Variants in RPS6KC1 observed in about 807,000 individuals in gnomAD.
RPS6KC1 encodes inactive ribosomal protein S6 kinase delta-1.
RPS6KC1 carries 54 observed loss-of-function variants against 103.8 expected under a neutral mutation model. The observed-to-expected ratio is 0.52, with a 90% confidence interval of 0.42 to 0.65. The LOEUF is 0.65. RPS6KC1 is among the 30% of genes least tolerant of loss of function. The probability of loss-of-function intolerance (pLI) is 0.00; values close to 1 mark genes in which losing one functional copy is unlikely to be tolerated. For synonymous variants in RPS6KC1, 439 were observed against 438.7 expected (o/e 1.00, Z -0.01); for missense variants, 1,151 against 1,253.8 (o/e 0.92, Z 1.24).
the RPS6KC1 span, among the ~76,000 whole-genome samples, chr1:213,734,058 A>G: frequency 6.6e-6 from 1 of 152,244 alleles, no homozygotes; most frequent in Admixed American, 6.5e-5. Context: ...AGTTATTTAT[A>G]TATAGCCCAG....
chr1:213,851,423 T>A, the RPS6KC1 span, among the ~76,000 whole-genome samples: 2 of 152,284 alleles, frequency 1.3e-5, no homozygotes, highest in East Asian at 3.9e-4. Flanking sequence ...CAGTCATAAA[T>A]GTGGAAACCC....
chr1:213,378,867 G>A, the RPS6KC1 span, among the ~76,000 whole-genome samples: 7 of 152,220 alleles, frequency 4.6e-5, no homozygotes, highest in East Asian at 1.4e-3. Context: ...GTTCATTCTG[G>A]AGAAAACACA....
chr1:213,737,062 G>A, the RPS6KC1 span, among the ~76,000 whole-genome samples: 3 of 152,322 alleles, frequency 2.0e-5, no homozygotes, highest in Non-Finnish European at 2.9e-5. Flanking sequence ...CATACGTGGT[G>A]CATTTGGTGT....
At chr1:213,593,583 G>C in the RPS6KC1 span, among the ~76,000 whole-genome samples, 36 of 152,218 alleles carry the variant, frequency 2.4e-4, no homozygotes, top group African/African-American at 8.2e-4. Context: ...ACAGTGAACT[G>C]TCAGGAAGGG....
At chr1:213,735,116 G>T in the RPS6KC1 span, among the ~76,000 whole-genome samples, 1 of 152,132 alleles carries the variant, frequency 6.6e-6, no homozygotes, top group Non-Finnish European at 1.5e-5. Flanking sequence ...GTAGAGATGG[G>T]GTTTCACAGT....
chr1:213,295,057 C>A, the RPS6KC1 span, among the ~76,000 whole-genome samples: 1 of 152,076 alleles, frequency 6.6e-6, no homozygotes, highest in African/African-American at 2.4e-5. Context: ...ATCTAGTTGT[C>A]TGCTACTTGG....
the RPS6KC1 span, among the ~76,000 whole-genome samples, chr1:213,493,083 C>T: frequency 2.9e-3 from 447 of 152,272 alleles, 6 homozygotes; most frequent in Non-Finnish European, 1.7e-3. Context: ...TAGTCAGTCA[C>T]GTCCTGTATA....
chr1:213,331,859 C>G, the RPS6KC1 span, among the ~76,000 whole-genome samples: 3 of 152,112 alleles, frequency 2.0e-5, no homozygotes, highest in African/African-American at 4.8e-5. Context: ...CTGGCCTCCT[C>G]TCTCTGCCTG....
intron 1 of RPS6KC1, among the ~76,000 whole-genome samples, chr1:213,056,872 A>C (rs1335649850): frequency 9.7e-6 from 1 of 103,074 alleles, no homozygotes; most frequent in African/African-American, 3.8e-5. Flanking sequence ...TTTTTTTTTT[A>C]GGCGTTGCTC....
the RPS6KC1 span, among the ~76,000 whole-genome samples, chr1:213,517,128 A>G: frequency 6.6e-6 from 1 of 151,954 alleles, no homozygotes; most frequent in Non-Finnish European, 1.5e-5. Flanking sequence ...TTTCTTCTGT[A>G]TTAGTCTTGC....
intron 1 of RPS6KC1, among the ~76,000 whole-genome samples, chr1:213,068,629 G>A (rs1340173601): frequency 6.6e-6 from 1 of 151,604 alleles, no homozygotes; most frequent in Non-Finnish European, 1.5e-5. Flanking sequence ...TTTGAATAAT[G>A]TATAGTTGTT....
the RPS6KC1 span, among the ~76,000 whole-genome samples, chr1:213,332,454 A>G: frequency 6.6e-6 from 1 of 152,252 alleles, no homozygotes; most frequent in African/African-American, 2.4e-5. Context: ...AAAATAAAAG[A>G]AATGCCACAG....
At chr1:213,126,404 T>A (rs1347731494) in intron 5 of RPS6KC1, among the ~76,000 whole-genome samples, 2 of 152,056 alleles carry the variant, frequency 1.3e-5, no homozygotes, top group Non-Finnish European at 2.9e-5. Context: ...GGGAATAGAA[T>A]TTGTTCTTTT....
At chr1:213,490,195 G>T in the RPS6KC1 span, among the ~76,000 whole-genome samples, 1 of 152,204 alleles carries the variant, frequency 6.6e-6, no homozygotes, top group Non-Finnish European at 1.5e-5. Context: ...TTTTCCAGAA[G>T]AAGCTCTTTC....
intron 6 of RPS6KC1, among the ~76,000 whole-genome samples, chr1:213,150,169 C>A (rs2088494763): frequency 6.6e-6 from 1 of 151,998 alleles, no homozygotes; most frequent in Non-Finnish European, 1.5e-5. Flanking sequence ...TAAGGACTTA[C>A]ACCATTTTGT....
the RPS6KC1 span, among the ~76,000 whole-genome samples, chr1:213,784,158 C>T: frequency 6.6e-6 from 1 of 152,212 alleles, no homozygotes; most frequent in African/African-American, 2.4e-5. Flanking sequence ...ATGCTGACAG[C>T]CAGGCAAACA....
the RPS6KC1 span, among the ~76,000 whole-genome samples, chr1:213,762,867 T>G: frequency 5.3e-5 from 8 of 151,364 alleles, no homozygotes; most frequent in East Asian, 2.0e-4. Flanking sequence ...TTTTTACGTT[T>G]TTTTTTTTTT....
chr1:213,127,539 T>G (rs1412246256), intron 5 of RPS6KC1, among the ~76,000 whole-genome samples: 1 of 152,228 alleles, frequency 6.6e-6, no homozygotes, highest in Non-Finnish European at 1.5e-5. Flanking sequence ...GCTGCTTTTT[T>G]CATGGGACAC....
chr1:213,701,097 T>TAAC, the RPS6KC1 span, among the ~76,000 whole-genome samples: 1 of 152,090 alleles, frequency 6.6e-6, no homozygotes, highest in African/African-American at 2.4e-5. Context: ...TTACATTGAA[T>TAAC]AACAGTTGTG....
Sources: gnomAD v4.1 joint callset for allele counts (sites outside exome capture counted in the v4.1 genomes callset) on GRCh38, gnomAD v4.1.1 for gene constraint, MANE v1.5 for transcripts, NCBI Gene and HGNC (gene_info 2026-07-23, HGNC 2026-07-21) for gene names.